FRK: variants seen among roughly 807,000 people sequenced by gnomAD.
The protein encoded by FRK is tyrosine-protein kinase FRK.
In FRK, 51 loss-of-function variants were observed where a neutral mutation model predicts 56.4. That is an observed-to-expected ratio of 0.90 (90% CI 0.72 to 1.14). The LOEUF is 1.14. Ranked by LOEUF, FRK falls within the 50% of genes most tolerant of loss-of-function variation. The probability of loss-of-function intolerance (pLI) is 0.00; values close to 1 mark genes in which losing one functional copy is unlikely to be tolerated. For synonymous variants in FRK, 245 were observed against 217.9 expected, an observed-to-expected ratio of 1.12 and a Z score of -1.10; for missense variants, 570 against 601.4, an observed-to-expected ratio of 0.95 and a Z score of 0.55.
chr6:115,977,814 T>C (rs1774041445), intron 2 of FRK, among the ~76,000 whole-genome samples: 1 of 152,172 alleles, frequency 6.6e-6, no homozygotes, highest in Non-Finnish European at 1.5e-5. Context: ...AATAGTCCAA[T>C]CCCTTATGGG....
the FRK span, among the ~76,000 whole-genome samples, chr6:116,088,400 C>T: frequency 1.3e-5 from 2 of 152,096 alleles, no homozygotes; most frequent in Non-Finnish European, 2.9e-5. Flanking sequence ...ACAAGCTAAC[C>T]CTGGAAGAAG....
chr6:116,098,031 CAA>C, the FRK span, among the ~76,000 whole-genome samples: 1 of 145,936 alleles, frequency 6.9e-6, no homozygotes, highest in African/African-American at 2.5e-5. Context: ...TCTGGAGGCT[CAA>C]AGTCCAAGAT....
chr6:116,093,608 C>A, the FRK span, among the ~76,000 whole-genome samples: 26,317 of 151,624 alleles, frequency 0.17, 2,338 homozygotes, highest in African/African-American at 0.28. Flanking sequence ...AGCAAGCCAT[C>A]CCCAGTATGG....
the FRK span, among the ~76,000 whole-genome samples, chr6:116,092,532 G>T: frequency 6.6e-6 from 1 of 152,162 alleles, no homozygotes; most frequent in Admixed American, 6.5e-5. Flanking sequence ...TAGGAGGACA[G>T]GCAAAGGTGC....
chr6:115,952,711 G>A (rs1446993175), intron 5 of FRK, among the ~76,000 whole-genome samples: 1 of 151,464 alleles, frequency 6.6e-6, no homozygotes, highest in Non-Finnish European at 1.5e-5. Flanking sequence ...AGAAAATGTG[G>A]CACATATACA....
the FRK span, among the ~76,000 whole-genome samples, chr6:116,089,801 G>T: frequency 6.6e-6 from 1 of 152,012 alleles, no homozygotes; most frequent in Admixed American, 6.5e-5. Flanking sequence ...AATACTGAGG[G>T]TTAGAGCTTT....
chr6:116,008,523 T>C (rs1030961184), intron 1 of FRK, among the ~76,000 whole-genome samples: 1 of 152,248 alleles, frequency 6.6e-6, no homozygotes, highest in Non-Finnish European at 1.5e-5. Context: ...TCAAAGGTGA[T>C]GCAATTGCTG....
the FRK span, among the ~76,000 whole-genome samples, chr6:116,070,954 T>C: frequency 2.0e-5 from 3 of 152,166 alleles, no homozygotes; most frequent in Admixed American, 2.0e-4. Flanking sequence ...CCTGGTACTT[T>C]AATAACTAAG....
chr6:116,032,138 A>T (rs752609540), intron 1 of FRK, among the ~76,000 whole-genome samples: 24 of 152,208 alleles, frequency 1.6e-4, no homozygotes, highest in African/African-American at 5.8e-4. Context: ...TCATCCACAT[A>T]TGGAGCACAT....
chr6:116,070,601 T>G, the FRK span, among the ~76,000 whole-genome samples: 11 of 152,122 alleles, frequency 7.2e-5, no homozygotes, highest in Non-Finnish European at 1.3e-4. Flanking sequence ...AAAATCCTAA[T>G]GCAAGAAGAA....
chr6:116,080,576 C>A, the FRK span, among the ~76,000 whole-genome samples: 5,861 of 152,204 alleles, frequency 0.039, 242 homozygotes, highest in Admixed American at 0.13. Flanking sequence ...AGGAAAGCTA[C>A]AACACAAAGT....
intron 2 of FRK, among the ~76,000 whole-genome samples, chr6:115,973,146 T>A (rs1011134799): frequency 6.6e-6 from 1 of 152,210 alleles, no homozygotes. Flanking sequence ...CCTTGCACTC[T>A]GATTTGTCAA....
chr6:116,046,824 T>C (rs117618404), intron 1 of FRK, among the ~76,000 whole-genome samples: 1 of 151,916 alleles, frequency 6.6e-6, no homozygotes, highest in East Asian at 1.9e-4. Context: ...TAGATCTGAG[T>C]ACATTCTTTT....
intron 4 of FRK, among the ~76,000 whole-genome samples, chr6:115,958,704 GAAGAAAGAAAGAAAGAAAGAAAGAAAGA>G (rs778214232): frequency 4.3e-4 from 3 of 6,960 alleles, no homozygotes; most frequent in African/African-American, 8.1e-4. Flanking sequence ...AAGAAAGAAA[GAAGAAAGAAAGAAAGAAAGAAAGAAAGA>G]AAGAAAGAAA....
At chr6:116,082,422 TA>T in the FRK span, among the ~76,000 whole-genome samples, 2 of 152,098 alleles carry the variant, frequency 1.3e-5, no homozygotes, top group Non-Finnish European at 2.9e-5. Context: ...GAGGACCAGT[TA>T]GGGGCTATTG....
At chr6:116,071,311 G>A in the FRK span, among the ~76,000 whole-genome samples, 1 of 152,246 alleles carries the variant, frequency 6.6e-6, no homozygotes, top group Non-Finnish European at 1.5e-5. Context: ...CACAAAGGAA[G>A]GTATTCGCTA....
chr6:116,090,148 T>C, the FRK span, among the ~76,000 whole-genome samples: 1 of 152,154 alleles, frequency 6.6e-6, no homozygotes, highest in Non-Finnish European at 1.5e-5. Flanking sequence ...ATGAAGAGCA[T>C]GATAATGAGT....
intron 7 of FRK, 124 bp downstream of exon 7, chr6:115,942,896 G>T: frequency 1.1e-6 from 1 of 924,946 alleles, no homozygotes; most frequent in East Asian, 2.6e-5. Flanking sequence ...TATCTATCAA[G>T]CTCCCGCAGG....
chr6:116,062,001 A>G (rs1382619569), upstream of FRK, among the ~76,000 whole-genome samples: 2 of 151,866 alleles, frequency 1.3e-5, no homozygotes, highest in Non-Finnish European at 2.9e-5. Flanking sequence ...AAAGAAAGAA[A>G]GAAGGAAAGA....
Sources: gnomAD v4.1 joint callset for allele counts (sites outside exome capture counted in the v4.1 genomes callset) on GRCh38, gnomAD v4.1.1 for gene constraint, MANE v1.5 for transcripts, NCBI Gene and HGNC (gene_info 2026-07-23, HGNC 2026-07-21) for gene names.